Variants in WNT5A observed in about 807,000 individuals in gnomAD.
WNT5A encodes protein Wnt-5a.
A neutral mutation model predicts 42.1 loss-of-function variants in WNT5A; 9 were observed. That is an observed-to-expected ratio of 0.21 (90% CI 0.13 to 0.37). The LOEUF is 0.37. Among genes scored for constraint, WNT5A ranks in the 10% least tolerant of loss-of-function variants. WNT5A has a pLI of 1.00. For missense variants in WNT5A, 426 were observed against 534.0 expected (o/e 0.80, Z 1.99); for synonymous variants, 210 against 210.0 (o/e 1.00, Z 0.00).
chr3:55,494,677 T>G (rs959848804), upstream of WNT5A, among the ~76,000 whole-genome samples: 21 of 152,152 alleles, frequency 1.4e-4, no homozygotes, highest in African/African-American at 4.1e-4. Flanking sequence ...TAGCTGGGAT[T>G]AAAGGCGCCT....
chr3:55,476,772 C>T (rs2106931185), intron 3 of WNT5A, among the ~76,000 whole-genome samples: 1 of 152,332 alleles, frequency 6.6e-6, no homozygotes, highest in East Asian at 1.9e-4. Context: ...GGTTGGAATA[C>T]TGCTGATTCA....
At chr3:55,470,822 T>C (rs887780913) in intron 4 of WNT5A, among the ~76,000 whole-genome samples, 4 of 152,176 alleles carry the variant, frequency 2.6e-5, no homozygotes, top group Non-Finnish European at 4.4e-5. Context: ...GTTCCAGCTG[T>C]ATTTTTTTCA....
upstream of WNT5A, chr3:55,494,041 C>G (rs1559562948): frequency 6.6e-6 from 1 of 152,200 alleles, no homozygotes; most frequent in African/African-American, 2.4e-5. Context: ...ATGTGGCCCG[C>G]TGATCATCTA....
chr3:55,501,517 A>G, the WNT5A span: 2 of 152,244 alleles, frequency 1.3e-5, no homozygotes, highest in Admixed American at 1.3e-4. Context: ...GAGCATCTTG[A>G]AATTTCTCTG....
intron 3 of WNT5A, among the ~76,000 whole-genome samples, chr3:55,478,350 T>C (rs1315388907): frequency 6.6e-6 from 1 of 152,194 alleles, no homozygotes; most frequent in Non-Finnish European, 1.5e-5. Context: ...GTGATGGACA[T>C]TAAGCCAACT....
rs1429981114 is a variant in WNT5A at position 55,469,320 on chromosome 3, T to C, written c.*772A>G. The stretch of plus-strand genomic sequence containing the variant: ...ATCATTTGGGGATCTTTTTACAATC[T>C]GGAATCCTAATTCTTATAACAGCTT... On this transcript the variant is annotated 3_prime_UTR_variant, in exon 5 of 5. Transcript: ENST00000264634. The C allele has an allele frequency of 3.3e-5, 5 of 152,236 alleles. No homozygotes were observed. Among genetic ancestry groups the C allele is most frequent in the African/African-American group, 9.6e-5 (4 of 41,474 alleles). 9.4% of individuals were successfully genotyped at this position (152,236 alleles called of 1,614,324 possible). A position where few individuals can be genotyped will look rare whatever the true frequency, so the allele number is the denominator to read the frequency against.
chr3:55,475,608 C>A (rs899368965), intron 3 of WNT5A, among the ~76,000 whole-genome samples: 3 of 152,160 alleles, frequency 2.0e-5, no homozygotes, highest in Admixed American at 6.5e-5. Context: ...TTCTTCAATG[C>A]CACTTCTGCA....
At position 55,470,269 on chromosome 3, in the gene WNT5A, G is replaced by A. The variant is rs1442557049; in HGVS notation, c.966C>T (p.Gly322=). ...NESTGSLGTQ[G]RLCNKTSEGM... ...CCTCCGACGTCTTGTTGCACAGGCG[G>A]CCCTGCGTGCCCAGCGAGCCGGTGC... Residue 322 remains glycine, a synonymous_variant, in exon 5 of 5, where the codon GGC becomes GGT. Transcript: ENST00000264634. 6.2e-7 allele frequency: 1 copy of A among 1,613,890 alleles called. No individual in the cohort carries two copies. Among genetic ancestry groups the A allele is most frequent in the African/African-American group, 1.3e-5 (1 of 74,946 alleles).
rs1249600489 is a variant in WNT5A at position 55,487,268 on chromosome 3, G to C, written c.-283C>G. The C allele has an allele frequency of 2.2e-6, 1 of 444,558 alleles. No homozygotes were observed. The highest frequency in any genetic ancestry group is 2.1e-5 in the African/African-American group (1 of 48,044). The allele number at this position is 444,558 out of a possible 1,614,324, so 27.5% of individuals were successfully genotyped here. On this transcript the variant is annotated 5_prime_UTR_variant, in exon 1 of 5. Coordinates refer to ENST00000264634, the MANE Select transcript of WNT5A (RefSeq NM_003392.7). ...GCAGGGCCTGGTCGGGGCGCAACTA[G>C]GGAGCCGCCGGTCCGGCGAGGGCGC...
At chr3:55,503,192 G>A in the WNT5A span, among the ~76,000 whole-genome samples, 2 of 152,226 alleles carry the variant, frequency 1.3e-5, no homozygotes, top group Non-Finnish European at 2.9e-5. Flanking sequence ...AATGGGATCT[G>A]AGCAAGGACC....
the WNT5A span, among the ~76,000 whole-genome samples, chr3:55,502,378 C>G: frequency 6.6e-6 from 1 of 152,200 alleles, no homozygotes; most frequent in African/African-American, 2.4e-5. Context: ...TAAAGCTTAT[C>G]CATTTTCTTT....
At chr3:55,494,684 G>A (rs1357813921), upstream of WNT5A, among the ~76,000 whole-genome samples, 9 of 152,064 alleles carry the variant, frequency 5.9e-5, no homozygotes, top group African/African-American at 9.7e-5. Context: ...GATTAAAGGC[G>A]CCTGCCACCA....
the WNT5A span, among the ~76,000 whole-genome samples, chr3:55,504,116 A>G: frequency 6.6e-6 from 1 of 152,022 alleles, no homozygotes; most frequent in Non-Finnish European, 1.5e-5. Context: ...CACTAAAAAT[A>G]CAAAAATTAG....
At chr3:55,482,069 A>G (rs544113996) in intron 1 of WNT5A, among the ~76,000 whole-genome samples, 32 of 152,264 alleles carry the variant, frequency 2.1e-4, no homozygotes, top group Middle Eastern at 6.8e-3. Flanking sequence ...CTCCAGCCCA[A>G]CTCAGACTTG....
rs973620519 is a variant in WNT5A at position 55,467,969 on chromosome 3, G to T, written c.*2123C>A. ...CACAATTCACTGCAACTGAGGGGAT[G>T]TGAATATCATTATGCAATAAATTAA... On this transcript the variant is annotated 3_prime_UTR_variant, in exon 5 of 5. Transcript: ENST00000264634. 6.6e-6 allele frequency: 1 copy of T among 152,174 alleles called. No homozygotes were observed. The highest frequency in any genetic ancestry group is 2.4e-5 in the African/African-American group (1 of 41,444). 9.4% of individuals were successfully genotyped at this position (152,174 alleles called of 1,614,324 possible). A position where few individuals can be genotyped will look rare whatever the true frequency, so the allele number is the denominator to read the frequency against.
intron 3 of WNT5A, among the ~76,000 whole-genome samples, chr3:55,475,929 A>T (rs577677707): frequency 3.8e-4 from 57 of 150,772 alleles, no homozygotes; most frequent in Admixed American, 1.1e-3. Flanking sequence ...AGCGTGGGGT[A>T]GGGGTGGGAT....
chr3:55,502,449 C>A, the WNT5A span, among the ~76,000 whole-genome samples: 5 of 152,180 alleles, frequency 3.3e-5, no homozygotes, highest in South Asian at 8.3e-4. Flanking sequence ...TCCTTCCCTG[C>A]AACTTAGTTC....
the WNT5A span, among the ~76,000 whole-genome samples, chr3:55,500,320 G>A: frequency 6.6e-6 from 1 of 152,138 alleles, no homozygotes; most frequent in African/African-American, 2.4e-5. Context: ...CTTTTGATTT[G>A]CTATTTTCCT....
chr3:55,475,804 A>T (rs564208860), intron 3 of WNT5A, among the ~76,000 whole-genome samples: 19 of 152,210 alleles, frequency 1.2e-4, no homozygotes, highest in South Asian at 2.1e-4. Context: ...ACTGGAGGCT[A>T]TCATAGAGTA....
Sources: gnomAD v4.1 joint callset for allele counts (sites outside exome capture counted in the v4.1 genomes callset) on GRCh38, gnomAD v4.1.1 for gene constraint, MANE v1.5 for transcripts, NCBI Gene and HGNC (gene_info 2026-07-23, HGNC 2026-07-21) for gene names.